The following SNAPC4 variants were observed in gnomAD, a reference collection of about 807,000 sequenced individuals.
The protein encoded by SNAPC4 is small nuclear RNA activating complex polypeptide 4, also known as snRNA-activating protein complex subunit 4.
Under a neutral mutation model 151.3 loss-of-function variants are expected in SNAPC4, and 127 were observed. The ratio of observed to expected loss-of-function variants is 0.84; its 90% confidence interval spans 0.73 to 0.97. The LOEUF is 0.97. SNAPC4 is among the 50% of genes least tolerant of loss of function. The pLI, the probability that SNAPC4 is intolerant of heterozygous loss-of-function variation, is 0.00. For synonymous variants in SNAPC4, 1,002 were observed against 824.4 expected (o/e 1.22, Z -3.69); for missense variants, 2,186 against 1,935.0 (o/e 1.13, Z -2.43).
rs754212446 is a variant in SNAPC4, at chr9:136,380,830, G to T, written c.2409C>A (p.Ala803=). The change falls in exon 20 of 24, where the codon GCC becomes GCA. Residue 803 remains alanine, a synonymous_variant. Transcript: ENST00000684778. ...TCTCTCGGACGACCTCCAAGCAGCCGGCAGTATCGATGTGGAACAGCTGCG... is the reference window on the plus strand; with the variant it reads ...TCTCTCGGACGACCTCCAAGCAGCCTGCAGTATCGATGTGGAACAGCTGCG... The part of the protein sequence containing the change: ...LFTQLFHIDT[A]GCLEVVRERK... The T allele has an allele frequency of 6.2e-7, 1 of 1,609,638 alleles. No individual in the cohort carries two copies. Among genetic ancestry groups the T allele is most frequent in the Admixed American group, 1.7e-5 (1 of 59,974 alleles).
chr9:136,398,540 G>A (rs970385298), intron 1 of SNAPC4, 103 bp from the exon 2 acceptor site: 17 of 1,348,620 alleles, frequency 1.3e-5, no homozygotes, highest in South Asian at 4.0e-5. Context: ...GAGCCTGCTC[G>A]GCAGTGGGCA....
chr9:136,399,446 G>A (rs1464963806), intron 1 of SNAPC4, among the ~76,000 whole-genome samples: 4 of 152,248 alleles, frequency 2.6e-5, no homozygotes, highest in African/African-American at 9.6e-5. Flanking sequence ...GCGCCTCCGG[G>A]CCGGCGGAGA....
chr9:136,396,943 C>G, intron 3 of SNAPC4, 34 bp downstream of exon 3: 1 of 1,601,490 alleles, frequency 6.2e-7, no homozygotes, highest in Non-Finnish European at 8.6e-7. Context: ...GCAGGCCTGA[C>G]CCAGTGGCAC....
In SNAPC4 at chr9:136,379,282, C is replaced by A; in HGVS notation, c.2545G>T (p.Val849Leu). The change falls in exon 22 of 24, where the codon GTG (valine) becomes TTG (leucine). Residue 849 changes from valine (V) to leucine (L), a missense_variant. Coordinates refer to ENST00000684778, the MANE Select transcript of SNAPC4 (RefSeq NM_003086.4). Reference protein sequence around the residue: ...QSTPGHLFPNVPAQEASKSAS... With the variant: ...QSTPGHLFPNLPAQEASKSAS... ...CTCTTTGAGGCTTCTTGAGCCGGCACGTTTGGGAAGAGGTGGCCTGTGGGG... is the reference window on the plus strand; with the variant it reads ...CTCTTTGAGGCTTCTTGAGCCGGCAAGTTTGGGAAGAGGTGGCCTGTGGGG... 6.2e-7 allele frequency: 1 copy of A among 1,612,620 alleles called. No homozygotes were observed. Among genetic ancestry groups the A allele is most frequent in the Non-Finnish European group, 8.5e-7 (1 of 1,179,960 alleles).
chr9:136,378,401 CCT>C lies in SNAPC4; in HGVS notation c.3424_3425del (p.Arg1142GlyfsTer44). 2.5e-6 allele frequency: 4 copies of C among 1,608,278 alleles called. No individual in the cohort carries two copies. Among genetic ancestry groups the C allele is most frequent in the Non-Finnish European group, 3.4e-6 (4 of 1,178,672 alleles). On this transcript the variant is annotated frameshift_variant, in exon 22 of 24. Transcript: ENST00000684778. LOFTEE classifies it high-confidence loss of function. The stretch of plus-strand genomic sequence containing the variant: ...CTGTCCTGCAGGAAGGCTCCGGTTC[CCT>C]GTTCATATTGGCTGGGGGCTGCCAA... ...SSWQPPANMNREPEPSCRTDT... is the reference protein window; with the variant it reads ...SSWQPPANMNXEPEPSCRTDT...
intron 2 of SNAPC4, among the ~76,000 whole-genome samples, 190 bp downstream of exon 2, chr9:136,398,109 C>T (rs1178841226): frequency 6.6e-6 from 1 of 152,032 alleles, no homozygotes; most frequent in East Asian, 1.9e-4. Context: ...GGTCTTGCTG[C>T]GTTGTCCAGG....
chr9:136,392,696 G>A lies in SNAPC4; in HGVS notation c.714C>T (p.Ala238=), dbSNP rs754899181. ...ACTTGATGTCCTGGATCTCCTTCTC[G>A]GCTTCCCTGCCCTGCTTCTCCAGGG... The part of the protein sequence containing the change: ...RQALEKQGRE[A]EKEIQDINQL... The change falls in exon 8 of 24, where the codon GCC becomes GCT. Residue 238 remains alanine, a synonymous_variant. Transcript: ENST00000684778. The A allele has an allele frequency of 2.4e-5, 39 of 1,613,576 alleles. No homozygotes were observed. The highest frequency in any genetic ancestry group is 6.7e-5 in the East Asian group (3 of 44,892).
In SNAPC4 at chr9:136,377,568, C is replaced by G; in HGVS notation, c.4259G>C (p.Cys1420Ser). The change falls in exon 22 of 24, where the codon TGC becomes TCC. Residue 1420 changes from cysteine to serine, a missense_variant. Transcript: ENST00000684778. The stretch of plus-strand genomic sequence containing the variant: ...CTGAATGGGGCATGTGGCTGTCGTG[C>G]AGCCCGGCTGCCCGTCCCTGTCTGC... ...ELADRDGQPGCTTATCPIQGA... is the reference protein window; with the variant it reads ...ELADRDGQPGSTTATCPIQGA... 1.3e-6 allele frequency: 2 copies of G among 1,519,768 alleles called. No homozygotes were observed. The highest frequency in any genetic ancestry group is 1.8e-6 in the Non-Finnish European group (2 of 1,132,556). 94.1% of individuals were successfully genotyped at this position (1,519,768 alleles called of 1,614,324 possible).
At chr9:136,387,882 C>T in intron 11 of SNAPC4, 34 bp from the exon 12 acceptor site, 1 of 1,169,972 alleles carries the variant, frequency 8.5e-7, no homozygotes, top group Non-Finnish European at 1.3e-6. Flanking sequence ...TCCTGTGGGG[C>T]CGAGACACAC....
chr9:136,399,762 G>A (rs556533188), intron 1 of SNAPC4, among the ~76,000 whole-genome samples: 3 of 152,338 alleles, frequency 2.0e-5, no homozygotes, highest in East Asian at 3.9e-4. Context: ...GACAGACCCG[G>A]CCCAGGCCCA....
Position 136,379,417 on chromosome 9 carries a change from G to GA in SNAPC4, c.2528-119dup, listed in dbSNP as rs2131471975. 2.0e-6 allele frequency: 3 copies of GA among 1,477,854 alleles called. No homozygotes were observed. In the East Asian group the frequency reaches 7.2e-5, roughly 35 times the overall value. The allele number at this position is 1,477,854 out of a possible 1,614,324, so 91.5% of individuals were successfully genotyped here. ...TGGGGAGCCTGGGGTCTTGAGCCAA[G>GA]AGAGGGTCAAGCGGCACATCCTGGG... On this transcript the variant is annotated intron_variant, in intron 21 of 23. Coordinates refer to ENST00000684778, the MANE Select transcript of SNAPC4 (RefSeq NM_003086.4).
At chr9:136,389,801 C>T (rs993179110) in intron 10 of SNAPC4, among the ~76,000 whole-genome samples, 1 of 152,090 alleles carries the variant, frequency 6.6e-6, no homozygotes, top group African/African-American at 2.4e-5. Context: ...CTGAGAGCAG[C>T]AGCTCTCAAA....
chr9:136,378,352 C>CGT lies in SNAPC4; in HGVS notation c.3473_3474dup (p.Ala1159ThrfsTer249). On this transcript the variant is annotated frameshift_variant, in exon 22 of 24. Transcript: ENST00000684778. LOFTEE classifies it high-confidence loss of function. ...GCTTCTGCAGGACTTTGGGAGAGGG[C>CGT]GTGTGTGGGAGGAGCTGGGGTGTCT... is the stretch of plus-strand genomic sequence containing the variant. 1 of 1,609,218 alleles carries CGT rather than the reference C, an allele frequency of 6.2e-7. No individual in the cohort carries two copies. Among genetic ancestry groups the CGT allele is most frequent in the Non-Finnish European group, 8.5e-7 (1 of 1,178,590 alleles).
Position 136,391,978 on chromosome 9 carries a change from G to A in SNAPC4, c.939C>T (p.Gly313=), listed in dbSNP as rs759151396. 14 of 1,607,110 alleles carry A rather than the reference G, an allele frequency of 8.7e-6. No individual in the cohort carries two copies. The Middle Eastern group carries it at 6.6e-4, about 75-fold the overall frequency. ...ERLQAIAAAH[G]HLEWQKIAEE... is the part of the protein sequence containing the mutation. ...CTGCAATCTTCTGCCACTCCAGGTGGCCGTGTGCAGCCGCGATCGCCTGCA... is the reference window on the plus strand; with the variant it reads ...CTGCAATCTTCTGCCACTCCAGGTGACCGTGTGCAGCCGCGATCGCCTGCA... The change falls in exon 10 of 24, where the codon GGC becomes GGT. Residue 313 remains glycine, a synonymous_variant. Coordinates refer to ENST00000684778, the MANE Select transcript of SNAPC4 (RefSeq NM_003086.4).
At position 136,378,825 on chromosome 9, in the gene SNAPC4, G is replaced by T; in HGVS notation, c.3002C>A (p.Pro1001His). 1 of 1,598,658 alleles carries T rather than the reference G, an allele frequency of 6.3e-7. No individual in the cohort carries two copies. The change falls in exon 22 of 24, where the codon CCT becomes CAT. Residue 1001 changes from proline (P) to histidine (H), a missense_variant. Pro to His is a moderately conservative substitution (Grantham distance 77, BLOSUM62 -2). Transcript: ENST00000684778. ...PVFSEAEGTA[P>H]AASQAPALGP... is the part of the protein sequence containing the mutation. ...CAGGGCAGGGGCTTGGGAAGCAGCA[G>T]GGGCTGTGCCCTCGGCCTCTGAGAA...
chr9:136,390,937 C>T (rs1834051607), intron 10 of SNAPC4, among the ~76,000 whole-genome samples: 1 of 151,992 alleles, frequency 6.6e-6, no homozygotes, highest in Admixed American at 6.5e-5. Context: ...CGGGTTCACG[C>T]CATTCTCCTG....
chr9:136,399,620 G>A (rs1231422323), intron 1 of SNAPC4, among the ~76,000 whole-genome samples: 1 of 152,102 alleles, frequency 6.6e-6, no homozygotes, highest in Non-Finnish European at 1.5e-5. Context: ...TGGTCATGAG[G>A]GCTGCCCACC....
chr9:136,384,118 G>A (rs1402938942), intron 14 of SNAPC4, 86 bp from the exon 15 acceptor site: 1 of 1,159,586 alleles, frequency 8.6e-7, no homozygotes, highest in Non-Finnish European at 1.2e-6. Flanking sequence ...GACTCGCCGT[G>A]GCCCCATCAG....
rs759753930 is a variant in SNAPC4 at position 136,378,491 on chromosome 9, C to T, written c.3336G>A (p.Leu1112=). ...CCCGAGTCTCAGTCAGGGGAGGCAG[C>T]AGAGTGGCCAGCAGCCCTGCGGGGC... is the stretch of plus-strand genomic sequence containing the variant. ...TPGPAGLLAT[L]LPPLTETRAA... is the part of the protein sequence containing the mutation. The change falls in exon 22 of 24, where the codon CTG becomes CTA. Residue 1112 remains leucine (L), a synonymous_variant. Coordinates refer to ENST00000684778, the MANE Select transcript of SNAPC4 (RefSeq NM_003086.4). 24 of 1,591,140 alleles carry T rather than the reference C, an allele frequency of 1.5e-5. No individual in the cohort carries two copies. The East Asian group carries it at 4.9e-4, about 33-fold the overall frequency.
Sources: gnomAD v4.1 joint callset for allele counts (sites outside exome capture counted in the v4.1 genomes callset) on GRCh38, gnomAD v4.1.1 for gene constraint, MANE v1.5 for transcripts, NCBI Gene and HGNC (gene_info 2026-07-23, HGNC 2026-07-21) for gene names.